XKR9: variants seen among roughly 807,000 people sequenced by gnomAD.
XKR9 encodes the protein XK-related protein 9.
Under a neutral mutation model 32.0 loss-of-function variants are expected in XKR9, and 32 were observed. That is an observed-to-expected ratio of 1.00 (90% CI 0.76 to 1.34). The LOEUF (loss-of-function observed/expected upper bound fraction) is 1.34, where lower values mean the gene tolerates loss of function less well. Ranked by LOEUF, XKR9 falls within the 40% of genes most tolerant of loss-of-function variation. XKR9 has a pLI of 0.00. For missense variants in XKR9, 546 were observed against 429.7 expected, an observed-to-expected ratio of 1.27 and a Z score of -2.39; for synonymous variants, 168 against 143.4, an observed-to-expected ratio of 1.17 and a Z score of -1.22.
chr8:70,927,327 G>A, the XKR9 span, among the ~76,000 whole-genome samples: 6 of 152,154 alleles, frequency 3.9e-5, no homozygotes, highest in South Asian at 8.3e-4. Context: ...TTTGGATGCC[G>A]GGCAGCTAAG....
At chr8:70,767,772 A>G (rs191572818) in intron 2 of XKR9, among the ~76,000 whole-genome samples, 141 of 152,020 alleles carry the variant, frequency 9.3e-4, no homozygotes, top group Non-Finnish European at 1.8e-3. Context: ...AAGTGCTGGG[A>G]TTACAGGTAT....
Position 70,776,915 on chromosome 8 carries a change from CTCTT to C in XKR9, n.353-12416_353-12413del, listed in dbSNP as rs1266049772. On this transcript the variant is annotated intron_variant and non_coding_transcript_variant, in intron 2 of 3. Transcript: ENST00000520273. ...CAGTACCTTGCATTTAGCAGGTTTT[CTCTT>C]TCTTTCTCTCTCTCTCTCTCTCTCT... 1.6e-4 allele frequency among the ~76,000 whole-genome samples: 16 copies of C among 101,078 alleles called. 2 individuals carry two copies. Among genetic ancestry groups the C allele is most frequent in the East Asian group, 3.3e-4 (1 of 3,040 alleles). The allele number at this position is 101,078 out of a possible 152,430, so 66.3% of individuals were successfully genotyped here. A position where few individuals can be genotyped will look rare whatever the true frequency, so the allele number is the denominator to read the frequency against.
chr8:70,866,356 CAGAGAGATTAATGGGAAA>C, the XKR9 span, among the ~76,000 whole-genome samples: 1 of 152,082 alleles, frequency 6.6e-6, no homozygotes, highest in Non-Finnish European at 1.5e-5. Context: ...AAAATAAAAT[CAGAGAGATTAATGGGAAA>C]AGCCAGCATA....
chr8:71,053,735 A>G, the XKR9 span, among the ~76,000 whole-genome samples: 7 of 152,188 alleles, frequency 4.6e-5, no homozygotes, highest in Non-Finnish European at 8.8e-5. Context: ...TCACAGGTAA[A>G]GTCTGTTTCT....
At chr8:70,815,357 A>T in the XKR9 span, among the ~76,000 whole-genome samples, 1 of 151,866 alleles carries the variant, frequency 6.6e-6, no homozygotes, top group Non-Finnish European at 1.5e-5. Flanking sequence ...TGTGTGTGTT[A>T]TTCCCCTCTA....
At chr8:70,851,312 A>G in the XKR9 span, among the ~76,000 whole-genome samples, 3 of 152,138 alleles carry the variant, frequency 2.0e-5, no homozygotes, top group South Asian at 4.1e-4. Flanking sequence ...AATATTCCAT[A>G]TTCATGGATA....
the XKR9 span, among the ~76,000 whole-genome samples, chr8:70,837,669 G>T: frequency 2.6e-5 from 4 of 152,064 alleles, no homozygotes; most frequent in African/African-American, 9.7e-5. Context: ...TCTTGGTCGT[G>T]CTGGTCTCAA....
At chr8:70,785,737 C>CTATATA (rs1300754425) in intron 2 of XKR9, among the ~76,000 whole-genome samples, 2 of 115,692 alleles carry the variant, frequency 1.7e-5, no homozygotes, top group African/African-American at 5.8e-5. Context: ...CTCTCTCTCT[C>CTATATA]TCTATATATA....
downstream of XKR9, among the ~76,000 whole-genome samples, chr8:70,740,444 A>T (rs1229025827): frequency 6.6e-6 from 1 of 151,960 alleles, no homozygotes; most frequent in African/African-American, 2.4e-5. Flanking sequence ...TAGTTTGATC[A>T]TCTGAAGCCT....
At chr8:71,024,832 C>T in the XKR9 span, among the ~76,000 whole-genome samples, 1 of 152,204 alleles carries the variant, frequency 6.6e-6, no homozygotes, top group Non-Finnish European at 1.5e-5. Context: ...TTTCTTGTCA[C>T]TTCTCTGCTG....
At chr8:71,039,877 C>T in the XKR9 span, among the ~76,000 whole-genome samples, 12 of 152,094 alleles carry the variant, frequency 7.9e-5, no homozygotes. Flanking sequence ...ATTTCCCTCT[C>T]TCCACATATG....
At chr8:70,918,729 G>A in the XKR9 span, among the ~76,000 whole-genome samples, 4 of 145,934 alleles carry the variant, frequency 2.7e-5, no homozygotes, top group South Asian at 2.2e-4. Flanking sequence ...AAAAACTAGA[G>A]GTTTTTGAAG....
chr8:70,856,963 C>G, the XKR9 span, among the ~76,000 whole-genome samples: 1 of 152,152 alleles, frequency 6.6e-6, no homozygotes, highest in Non-Finnish European at 1.5e-5. Context: ...ATGTGGGACA[C>G]AGTCAAAGCA....
At chr8:70,716,901 T>C (rs1806113059) in intron 4 of XKR9, among the ~76,000 whole-genome samples, 2 of 152,206 alleles carry the variant, frequency 1.3e-5, no homozygotes, top group Admixed American at 6.5e-5. Flanking sequence ...ACTTCCTAGA[T>C]ACAATGTGGG....
At chr8:70,867,683 C>T in the XKR9 span, among the ~76,000 whole-genome samples, 4 of 152,118 alleles carry the variant, frequency 2.6e-5, no homozygotes, top group Admixed American at 2.0e-4. Context: ...AATTTCCAAC[C>T]TCAGGTGATC....
At chr8:70,763,194 C>A (rs995170760) in intron 2 of XKR9, among the ~76,000 whole-genome samples, 3 of 152,156 alleles carry the variant, frequency 2.0e-5, no homozygotes, top group Non-Finnish European at 4.4e-5. Flanking sequence ...ATAGTCTCTG[C>A]CTAGAATTTG....
chr8:70,692,745 A>T (rs1805126571), intron 3 of XKR9, among the ~76,000 whole-genome samples: 2 of 151,712 alleles, frequency 1.3e-5, no homozygotes, highest in Admixed American at 1.3e-4. Context: ...CATCCAGCTA[A>T]TTTTTTGTAT....
chr8:70,686,908 A>G lies in XKR9; in HGVS notation c.272+5578A>G. 1.3e-5 allele frequency among the ~76,000 whole-genome samples: 2 copies of G among 152,190 alleles called. 1 individual carries two copies. Among genetic ancestry groups the G allele is most frequent in the Non-Finnish European group, 2.9e-5 (2 of 68,034 alleles). On this transcript the variant is annotated intron_variant, in intron 3 of 4. Coordinates refer to ENST00000408926, the MANE Select transcript of XKR9 (RefSeq NM_001011720.2). The stretch of plus-strand genomic sequence containing the variant: ...ATATATAATGTATGATAATCACATA[A>G]GGGTAATTGGGATATTTATCACCTC...
At chr8:70,754,869 TA>T (rs1563469327) in intron 2 of XKR9, among the ~76,000 whole-genome samples, 2 of 152,064 alleles carry the variant, frequency 1.3e-5, no homozygotes, top group African/African-American at 2.4e-5. Context: ...ACTTCCTGTC[TA>T]AAACACCAAA....
Sources: allele counts gnomAD v4.1 joint callset (sites outside exome capture counted in the v4.1 genomes callset), GRCh38; gene constraint gnomAD v4.1.1; transcripts MANE v1.5; gene names NCBI Gene and HGNC (gene_info 2026-07-23, HGNC 2026-07-21).